ARHGAP26: variants seen among roughly 807,000 people sequenced by gnomAD.
ARHGAP26 encodes the protein rho GTPase-activating protein 26.
In ARHGAP26, 38 loss-of-function variants were observed where a neutral mutation model predicts 104.8. The observed-to-expected ratio is 0.36, with a 90% CI of 0.28 to 0.48. The LOEUF is 0.48. Among genes scored for constraint, ARHGAP26 ranks in the 20% least tolerant of loss-of-function variants. The pLI is 0.99. For missense variants in ARHGAP26, 704 were observed against 947.9 expected, an observed-to-expected ratio of 0.74 and a Z score of 3.38; for synonymous variants, 341 against 340.0, an observed-to-expected ratio of 1.00 and a Z score of -0.03.
Position 142,824,252 on chromosome 5 carries a change from T to G in ARHGAP26, c.155-49148T>G, listed in dbSNP as rs1766773940. On this transcript the variant is annotated intron_variant, in intron 1 of 22. Transcript: ENST00000645722. ...TTCTTGAGGATGTGTTGTTGCTTGC[T>G]GAGTGGAGCTCTGCTAGTTGCTCTT... Among the ~76,000 whole-genome samples, 3 of 152,216 alleles carry G rather than the reference T, an allele frequency of 2.0e-5. No homozygotes were observed. The South Asian group carries it at 6.2e-4, about 31-fold the overall frequency.
chr5:143,182,781 ACT>A (rs1326535765), intron 20 of ARHGAP26, among the ~76,000 whole-genome samples: 5 of 152,118 alleles, frequency 3.3e-5, no homozygotes, highest in African/African-American at 1.2e-4. Flanking sequence ...GTAAACAGTC[ACT>A]CTGTCGTTAT....
At chr5:142,848,972 C>T (rs1413066666) in intron 1 of ARHGAP26, among the ~76,000 whole-genome samples, 2 of 152,190 alleles carry the variant, frequency 1.3e-5, no homozygotes, top group African/African-American at 4.8e-5. Flanking sequence ...TATCTTTGCA[C>T]TAAATTGGTT....
intron 1 of ARHGAP26, among the ~76,000 whole-genome samples, chr5:142,788,569 G>A (rs182313045): frequency 8.5e-4 from 129 of 152,286 alleles, no homozygotes; most frequent in African/African-American, 2.8e-3. Context: ...TGGGAAAAGA[G>A]CATCATTACT....
chr5:143,169,912 G>A (rs1302086676), intron 20 of ARHGAP26: 1 of 152,014 alleles, frequency 6.6e-6, no homozygotes, highest in Non-Finnish European at 1.5e-5. Flanking sequence ...CCTTTTTTCA[G>A]TCCAAAGGCT....
At chr5:142,825,491 C>G (rs2152093494) in intron 1 of ARHGAP26, among the ~76,000 whole-genome samples, 1 of 152,290 alleles carries the variant, frequency 6.6e-6, no homozygotes, top group South Asian at 2.1e-4. Context: ...TCCAGCCCAG[C>G]AGGGGACCTA....
chr5:142,823,188 T>A (rs1766539643), intron 1 of ARHGAP26, among the ~76,000 whole-genome samples: 1 of 152,178 alleles, frequency 6.6e-6, no homozygotes, highest in Non-Finnish European at 1.5e-5. Context: ...GATTGGACCC[T>A]TGGGCCTCTG....
At chr5:142,903,749 T>C (rs1760703508) in intron 8 of ARHGAP26, 80 bp downstream of exon 8, 1 of 1,431,662 alleles carries the variant, frequency 7.0e-7, no homozygotes, top group Non-Finnish European at 9.4e-7. Context: ...CAGCAGTGCC[T>C]ACCTTACTGT....
At chr5:142,795,799 T>C (rs419418) in intron 1 of ARHGAP26, among the ~76,000 whole-genome samples, 22,515 of 152,122 alleles carry the variant, frequency 0.15, 2,086 homozygotes, top group East Asian at 0.3. Context: ...GGGCTGAATT[T>C]ATCCCCAGAA....
chr5:143,075,321 A>C (rs1788840339), intron 17 of ARHGAP26, among the ~76,000 whole-genome samples: 1 of 149,806 alleles, frequency 6.7e-6, no homozygotes, highest in African/African-American at 2.4e-5. Flanking sequence ...AAATATATAT[A>C]AATATAATTT....
chr5:142,873,643 A>G, intron 2 of ARHGAP26, 148 bp downstream of exon 2: 1 of 545,476 alleles, frequency 1.8e-6, no homozygotes, highest in Non-Finnish European at 3.1e-6. Flanking sequence ...GAGATATGTG[A>G]GGATCGGAGC....
chr5:143,020,632 CTTTTTTTTTTTTT>C (rs11357774), intron 12 of ARHGAP26, among the ~76,000 whole-genome samples: 1 of 61,708 alleles, frequency 1.6e-5, no homozygotes, highest in African/African-American at 6.9e-5. Context: ...TGCTCTAGTG[CTTTTTTTTTTTTT>C]TTTTTTTTTT....
intron 12 of ARHGAP26, among the ~76,000 whole-genome samples, chr5:143,024,495 G>T (rs1401990538): frequency 6.6e-6 from 1 of 152,066 alleles, no homozygotes; most frequent in East Asian, 1.9e-4. Flanking sequence ...ACAGTGAGCA[G>T]GTCCCTGGCT....
At chr5:142,986,971 T>C (rs1774836930) in intron 11 of ARHGAP26, among the ~76,000 whole-genome samples, 1 of 152,222 alleles carries the variant, frequency 6.6e-6, no homozygotes, top group Non-Finnish European at 1.5e-5. Flanking sequence ...GGCTTAGGAT[T>C]GTTTTGGCAA....
chr5:143,154,573 C>G (rs1800249864), intron 20 of ARHGAP26, among the ~76,000 whole-genome samples: 1 of 152,202 alleles, frequency 6.6e-6, no homozygotes, highest in South Asian at 2.1e-4. Flanking sequence ...CACCTTCCCC[C>G]ACCAGCCTCC....
intron 17 of ARHGAP26, among the ~76,000 whole-genome samples, chr5:143,090,875 T>C (rs968062860): frequency 2.6e-5 from 4 of 152,168 alleles, no homozygotes; most frequent in Non-Finnish European, 1.5e-5. Context: ...CCAGATTAAA[T>C]GGTCCCAATT....
At chr5:143,070,355 C>G (rs1306290215) in intron 17 of ARHGAP26, among the ~76,000 whole-genome samples, 1 of 152,142 alleles carries the variant, frequency 6.6e-6, no homozygotes, top group African/African-American at 2.4e-5. Context: ...AGAACACTGG[C>G]AAACATGTAG....
At chr5:142,838,466 G>C (rs1277359417) in intron 1 of ARHGAP26, among the ~76,000 whole-genome samples, 4 of 152,174 alleles carry the variant, frequency 2.6e-5, no homozygotes, top group African/African-American at 9.7e-5. Flanking sequence ...ACTAATGCAG[G>C]TATGAGGTCA....
chr5:143,000,508 A>G (rs955639956), intron 11 of ARHGAP26, among the ~76,000 whole-genome samples: 2 of 152,270 alleles, frequency 1.3e-5, no homozygotes, highest in Admixed American at 1.3e-4. Flanking sequence ...GCTGAGTGCA[A>G]TCCCATTACT....
At position 143,057,678 on chromosome 5, in the gene ARHGAP26, A is replaced by G. The variant is rs745615384; in HGVS notation, c.1469A>G (p.His490Arg). The stretch of plus-strand genomic sequence containing the variant: ...CAGGAGTCTCGGGTCTCTGAAATCC[A>G]CAGCCTTGTTCATCGGCTCCCAGAG... ...ENQESRVSEI[H>R]SLVHRLPEKN... Residue 490 changes from histidine (H) to arginine (R), a missense_variant, in exon 17 of 23, where the codon CAC becomes CGC. Transcript: ENST00000645722. 1.9e-6 allele frequency: 3 copies of G among 1,613,872 alleles called. No homozygotes were observed. Among genetic ancestry groups the G allele is most frequent in the Admixed American group, 1.7e-5 (1 of 60,008 alleles).
Sources: gnomAD v4.1 joint callset for allele counts (sites outside exome capture counted in the v4.1 genomes callset) on GRCh38, gnomAD v4.1.1 for gene constraint, MANE v1.5 for transcripts, NCBI Gene and HGNC (gene_info 2026-07-23, HGNC 2026-07-21) for gene names.